The following OPCML variants were observed in gnomAD, a reference collection of about 807,000 sequenced individuals.
The protein encoded by OPCML is opioid-binding protein/cell adhesion molecule.
Under a neutral mutation model 37.8 loss-of-function variants are expected in OPCML, and 13 were observed. The observed-to-expected ratio is 0.34, with a 90% CI of 0.22 to 0.55. The LOEUF (loss-of-function observed/expected upper bound fraction) is 0.55. Ranked by LOEUF, OPCML falls within the 20% of genes least tolerant of loss-of-function variation. The pLI is 0.91. For missense variants in OPCML, 341 were observed against 435.6 expected (o/e 0.78, Z 1.93); for synonymous variants, 176 against 168.8 (o/e 1.04, Z -0.33).
At chr11:133,320,096 T>C (rs1054951025) in intron 1 of OPCML, among the ~76,000 whole-genome samples, 1 of 152,194 alleles carries the variant, frequency 6.6e-6, no homozygotes, top group South Asian at 2.1e-4. Flanking sequence ...TCCAGTAGTG[T>C]TCTCATTTCA....
intron 1 of OPCML, among the ~76,000 whole-genome samples, chr11:133,348,576 G>T (rs1301011666): frequency 6.6e-6 from 1 of 152,196 alleles, no homozygotes; most frequent in Non-Finnish European, 1.5e-5. Flanking sequence ...AGAGGAGCAG[G>T]TAACTTCTGA....
chr11:133,195,009 T>G (rs1045811948), intron 1 of OPCML, among the ~76,000 whole-genome samples: 3 of 152,234 alleles, frequency 2.0e-5, no homozygotes, highest in Non-Finnish European at 1.5e-5. Context: ...AATTATTAAC[T>G]GTTCCACTTT....
chr11:133,019,586 G>A (rs1947410933), intron 1 of OPCML, among the ~76,000 whole-genome samples: 1 of 152,174 alleles, frequency 6.6e-6, no homozygotes, highest in South Asian at 2.1e-4. Flanking sequence ...TTTCAGCTAA[G>A]TTTTAGAAAA....
At chr11:133,140,131 G>C (rs1949745977) in intron 1 of OPCML, among the ~76,000 whole-genome samples, 1 of 150,748 alleles carries the variant, frequency 6.6e-6, no homozygotes, top group South Asian at 2.1e-4. Context: ...AGGTTGCAGT[G>C]AGCCGAGATC....
At chr11:133,070,811 G>T (rs543694707) in intron 1 of OPCML, among the ~76,000 whole-genome samples, 2 of 152,316 alleles carry the variant, frequency 1.3e-5, no homozygotes, top group South Asian at 2.1e-4. Context: ...AGGAGCAGGG[G>T]CTGGGGGTCA....
intron 1 of OPCML, among the ~76,000 whole-genome samples, chr11:133,145,253 T>G (rs1949881546): frequency 6.6e-6 from 1 of 152,172 alleles, no homozygotes; most frequent in East Asian, 1.9e-4. Context: ...AAAGACATAT[T>G]TTATCAAGGT....
intron 1 of OPCML, among the ~76,000 whole-genome samples, chr11:132,955,182 G>T (rs116554563): frequency 6.6e-6 from 1 of 152,096 alleles, no homozygotes; most frequent in African/African-American, 2.4e-5. Flanking sequence ...GGTTGGCACG[G>T]TTTTGTCTTA....
chr11:132,703,829 G>A lies in OPCML; in HGVS notation c.147-46510C>T, dbSNP rs562992320. 2.5e-3 allele frequency among the ~76,000 whole-genome samples: 377 copies of A among 152,292 alleles called. 3 individuals are homozygous for A. The highest frequency in any genetic ancestry group is 5.2e-3 in the South Asian group (25 of 4,824). On this transcript the variant is annotated intron_variant, in intron 2 of 7. Coordinates refer to ENST00000524381, the MANE Select transcript of OPCML (RefSeq NM_001012393.5). The stretch of plus-strand genomic sequence containing the variant: ...GTCTTCAGGGGCTGTCCTGGTGTTA[G>A]GGCAGGCCTCAGCCTGAGTCCATGA...
chr11:133,456,367 C>T (rs1323541874), intron 1 of OPCML, among the ~76,000 whole-genome samples: 4 of 152,172 alleles, frequency 2.6e-5, no homozygotes, highest in African/African-American at 4.8e-5. Flanking sequence ...AGGCTGATCC[C>T]GAGGCTGAAA....
At chr11:132,447,980 C>T (rs2096059711) in intron 4 of OPCML, among the ~76,000 whole-genome samples, 1 of 152,264 alleles carries the variant, frequency 6.6e-6, no homozygotes, top group African/African-American at 2.4e-5. Context: ...ATCAGCACTG[C>T]AGCCCCCAGG....
chr11:132,850,368 A>T (rs758976072), intron 2 of OPCML, among the ~76,000 whole-genome samples: 2 of 152,156 alleles, frequency 1.3e-5, no homozygotes, highest in African/African-American at 4.8e-5. Context: ...AGGCTCATAA[A>T]CATTTGCAGC....
chr11:132,777,897 C>T (rs1461225484), intron 2 of OPCML, among the ~76,000 whole-genome samples: 1 of 152,172 alleles, frequency 6.6e-6, no homozygotes, highest in Non-Finnish European at 1.5e-5. Flanking sequence ...AACCTTTTCT[C>T]TCTCTTTTTC....
Position 132,689,913 on chromosome 11 carries a change from T to C in OPCML, c.147-32594A>G, listed in dbSNP as rs148194648. ...TTTGCCTTGGACCATAAGTAATCAT[T>C]TATAGGAAAAAAACTATGGGAGTGC... On this transcript the variant is annotated intron_variant, in intron 2 of 7. Transcript: ENST00000524381. 3.6e-3 allele frequency among the ~76,000 whole-genome samples: 543 copies of C among 152,286 alleles called. 4 individuals are homozygous for C. Among genetic ancestry groups the C allele is most frequent in the African/African-American group, 0.012 (517 of 41,566 alleles).
At chr11:132,842,737 T>G (rs975292974) in intron 2 of OPCML, among the ~76,000 whole-genome samples, 1 of 152,228 alleles carries the variant, frequency 6.6e-6, no homozygotes, top group African/African-American at 2.4e-5. Flanking sequence ...AGGTTCTGTT[T>G]AGACGCACTG....
intron 1 of OPCML, among the ~76,000 whole-genome samples, chr11:133,462,941 C>T (rs764465540): frequency 5.3e-5 from 8 of 151,912 alleles, no homozygotes; most frequent in Non-Finnish European, 1.0e-4. Context: ...CAGGTGTCCG[C>T]TGATGAATAA....
intron 4 of OPCML, among the ~76,000 whole-genome samples, chr11:132,495,016 T>A (rs1303898104): frequency 1.4e-5 from 1 of 69,622 alleles, no homozygotes; most frequent in Non-Finnish European, 2.6e-5. Flanking sequence ...TGTGGATGAC[T>A]TTTTTTTTTT....
chr11:132,583,615 AT>A (rs2096466507), intron 3 of OPCML, among the ~76,000 whole-genome samples: 2 of 149,066 alleles, frequency 1.3e-5, no homozygotes, highest in African/African-American at 5.0e-5. Flanking sequence ...CTGATTTTTT[AT>A]TTATTTATTT....
chr11:133,443,973 C>A (rs1204145231), intron 1 of OPCML, among the ~76,000 whole-genome samples: 1 of 152,146 alleles, frequency 6.6e-6, no homozygotes, highest in Non-Finnish European at 1.5e-5. Flanking sequence ...AGAAAGGGAG[C>A]CTTGGGTGTC....
intron 1 of OPCML, among the ~76,000 whole-genome samples, chr11:133,375,233 G>A (rs183458277): frequency 1.8e-4 from 28 of 152,296 alleles, no homozygotes; most frequent in Middle Eastern, 3.4e-3. Context: ...TAGCGAGCAC[G>A]CATGTCGCGT....
Sources: allele counts gnomAD v4.1 joint callset (sites outside exome capture counted in the v4.1 genomes callset), GRCh38; gene constraint gnomAD v4.1.1; transcripts MANE v1.5; gene names NCBI Gene and HGNC (gene_info 2026-07-23, HGNC 2026-07-21).